TSPAN9: variants seen among roughly 807,000 people sequenced by gnomAD.
The protein encoded by TSPAN9 is tetraspanin-9.
A neutral mutation model predicts 31.0 loss-of-function variants in TSPAN9; 16 were observed. The observed-to-expected ratio is 0.52, with a 90% CI of 0.35 to 0.78. TSPAN9 has a LOEUF of 0.78. Among genes scored for constraint, TSPAN9 ranks in the 30% least tolerant of loss-of-function variants. The probability of loss-of-function intolerance (pLI) is 0.01; values close to 1 mark genes in which losing one functional copy is unlikely to be tolerated. For synonymous variants in TSPAN9, 145 were observed against 121.6 expected (o/e 1.19, Z -1.27); for missense variants, 272 against 312.5 (o/e 0.87, Z 0.98).
At chr12:3,118,783 C>G (rs1186216082) in intron 2 of TSPAN9, among the ~76,000 whole-genome samples, 3 of 152,204 alleles carry the variant, frequency 2.0e-5, no homozygotes, top group African/African-American at 7.2e-5. Flanking sequence ...CCTAATTTCT[C>G]TGCCTAGTTT....
chr12:3,215,764 C>T (rs2098381071), intron 3 of TSPAN9, among the ~76,000 whole-genome samples: 1 of 152,152 alleles, frequency 6.6e-6, no homozygotes, highest in Admixed American at 6.5e-5. Flanking sequence ...GCTGCTCTCT[C>T]CAGGCTCCGT....
intron 3 of TSPAN9, among the ~76,000 whole-genome samples, chr12:3,252,037 G>T (rs1591706575): frequency 6.6e-6 from 1 of 152,102 alleles, no homozygotes; most frequent in African/African-American, 2.4e-5. Flanking sequence ...AGGGTGAGGG[G>T]TCGTTTTTTA....
At chr12:3,250,506 A>C (rs1862228340) in intron 3 of TSPAN9, among the ~76,000 whole-genome samples, 1 of 152,152 alleles carries the variant, frequency 6.6e-6, no homozygotes, top group Non-Finnish European at 1.5e-5. Flanking sequence ...TGTGAGAATG[A>C]GTCTCCCCAG....
chr12:3,093,671 C>T (rs1361490139), intron 2 of TSPAN9, among the ~76,000 whole-genome samples: 1 of 152,058 alleles, frequency 6.6e-6, no homozygotes, highest in Non-Finnish European at 1.5e-5. Context: ...TGAGTTACAG[C>T]TATGGAAAGA....
intron 3 of TSPAN9, among the ~76,000 whole-genome samples, 173 bp from the exon 4 acceptor site, chr12:3,278,248 G>T (rs1862826229): frequency 6.6e-6 from 1 of 152,202 alleles, no homozygotes; most frequent in African/African-American, 2.4e-5. Flanking sequence ...GGACTGTCTG[G>T]GTCACACAGC....
rs1376527597 is a variant in TSPAN9 at position 3,114,989 on chromosome 12, C to T, written c.-18+31270C>T. Among the ~76,000 whole-genome samples, 5 of 152,064 alleles carry T rather than the reference C, an allele frequency of 3.3e-5. No individual in the cohort carries two copies. In the East Asian group the frequency reaches 5.8e-4, roughly 18 times the overall value. Reference sequence around the variant, plus strand: ...TCAGTGGTTTTTACTATATTCTCAGCGTGTGACCATCAGCACTGTCAATTT... The same window carrying T: ...TCAGTGGTTTTTACTATATTCTCAGTGTGTGACCATCAGCACTGTCAATTT... On this transcript the variant is annotated intron_variant, in intron 2 of 8. Coordinates refer to ENST00000011898, the MANE Select transcript of TSPAN9 (RefSeq NM_006675.5).
At chr12:3,268,345 T>C (rs1294155163) in intron 3 of TSPAN9, among the ~76,000 whole-genome samples, 10 of 103,152 alleles carry the variant, frequency 9.7e-5, no homozygotes, top group Admixed American at 2.9e-4. Flanking sequence ...GCCTGCCCTC[T>C]CTGTGTTCCT....
chr12:3,081,863 G>A (rs2153961754), intron 1 of TSPAN9, among the ~76,000 whole-genome samples: 1 of 42,362 alleles, frequency 2.4e-5, no homozygotes, highest in African/African-American at 1.5e-4. Flanking sequence ...TGCCAGGTGT[G>A]GTGGTACACA....
At chr12:3,109,307 A>AGGGAGTGTGT (rs560687812) in intron 2 of TSPAN9, among the ~76,000 whole-genome samples, 2 of 143,208 alleles carry the variant, frequency 1.4e-5, no homozygotes, top group African/African-American at 5.6e-5. Flanking sequence ...TGTGAGAGAG[A>AGGGAGTGTGT]GTGTGTGTGT....
chr12:3,089,019 T>C (rs1330995932), intron 2 of TSPAN9, among the ~76,000 whole-genome samples: 1 of 151,658 alleles, frequency 6.6e-6, no homozygotes, highest in Non-Finnish European at 1.5e-5. Flanking sequence ...GATCACGAGG[T>C]CAGGAGATCG....
At chr12:3,136,328 G>A (rs368576792) in intron 2 of TSPAN9, among the ~76,000 whole-genome samples, 4 of 152,188 alleles carry the variant, frequency 2.6e-5, no homozygotes, top group South Asian at 2.1e-4. Flanking sequence ...GATAAGTCAC[G>A]CACCACTCAT....
At chr12:3,098,939 G>C (rs549173121) in intron 2 of TSPAN9, among the ~76,000 whole-genome samples, 1 of 152,166 alleles carries the variant, frequency 6.6e-6, no homozygotes, top group South Asian at 2.1e-4. Flanking sequence ...TTTTAGTAAA[G>C]ATGGGGTTTC....
rs915699424 is a variant in TSPAN9 at position 3,168,830 on chromosome 12, G to T, written c.-17-32347G>T. ...CGTTGAGTAAATGAATGAATCAGAT[G>T]CGCTGCCTCGATGGCCCCGCCTCCC... On this transcript the variant is annotated intron_variant, in intron 2 of 8. Transcript: ENST00000011898. This position sits in a 1 kb window ranked among gnomAD's most constrained non-coding sequence, Gnocchi z 4.0. Among the ~76,000 whole-genome samples the T allele has an allele frequency of 6.6e-6, 1 of 152,198 alleles. No homozygotes were observed. The highest frequency in any genetic ancestry group is 2.1e-4 in the South Asian group (1 of 4,826).
At position 3,252,440 on chromosome 12, in the gene TSPAN9, C is replaced by T. The variant is rs28535610; in HGVS notation, c.64-25981C>T. Among the ~76,000 whole-genome samples, 471 of 152,278 alleles carry T rather than the reference C, an allele frequency of 3.1e-3. 2 individuals are homozygous for T. Among genetic ancestry groups the T allele is most frequent in the African/African-American group, 0.01 (432 of 41,564 alleles). ...GGCCTGTGTGAGCGGGTGCTCTCTC[C>T]GGGGCCAGGGAGAAATCCCAGCCCC... On this transcript the variant is annotated intron_variant, in intron 3 of 8. Transcript: ENST00000011898.
intron 2 of TSPAN9, among the ~76,000 whole-genome samples, chr12:3,109,299 T>TGTGTGTGTGTGTGTGAGAGAGAGA (rs1274383200): frequency 3.4e-5 from 4 of 118,352 alleles, no homozygotes; most frequent in African/African-American, 1.8e-4. Context: ...TGTGTGTGTG[T>TGTGTGTGTGTGTGTGAGAGAGAGA]GAGAGAGAGT....
At chr12:3,109,378 G>A (rs2098317086) in intron 2 of TSPAN9, among the ~76,000 whole-genome samples, 1 of 151,042 alleles carries the variant, frequency 6.6e-6, no homozygotes, top group Non-Finnish European at 1.5e-5. Flanking sequence ...CAGAAGTCTA[G>A]TGATCCTTGG....
At chr12:3,098,928 T>C (rs1324459447) in intron 2 of TSPAN9, among the ~76,000 whole-genome samples, 9 of 152,044 alleles carry the variant, frequency 5.9e-5, no homozygotes, top group Admixed American at 5.9e-4. Context: ...AATTTTTGTG[T>C]TTTTAGTAAA....
intron 2 of TSPAN9, among the ~76,000 whole-genome samples, chr12:3,100,315 C>T (rs566374562): frequency 1.3e-5 from 2 of 152,280 alleles, no homozygotes; most frequent in Admixed American, 6.5e-5. Flanking sequence ...GAAGTCTCTT[C>T]GCACTCTCTG....
intron 2 of TSPAN9, among the ~76,000 whole-genome samples, chr12:3,138,030 G>C (rs1414435676): frequency 6.6e-6 from 1 of 152,166 alleles, no homozygotes; most frequent in East Asian, 1.9e-4. Flanking sequence ...TGTGACCCCA[G>C]GACCATCCTT....
Sources: allele counts gnomAD v4.1 joint callset (sites outside exome capture counted in the v4.1 genomes callset), GRCh38; gene constraint gnomAD v4.1.1; non-coding constraint Gnocchi (gnomAD v3.1); transcripts MANE v1.5; gene names NCBI Gene and HGNC (gene_info 2026-07-23, HGNC 2026-07-21).